The following TTI1 variants were observed in gnomAD, a reference collection of about 807,000 sequenced individuals.
TTI1 encodes TELO2-interacting protein 1 homolog.
TTI1 carries 52 observed loss-of-function variants against 85.4 expected under a neutral mutation model. That is an observed-to-expected ratio of 0.61 (90% CI 0.49 to 0.77). The LOEUF is 0.77. Ranked by LOEUF, TTI1 falls within the 30% of genes least tolerant of loss-of-function variation. TTI1 has a pLI of 0.00. For synonymous variants in TTI1, 512 were observed against 503.9 expected (o/e 1.02, Z -0.22); for missense variants, 1,173 against 1,296.0 (o/e 0.91, Z 1.46).
At chr20:37,983,922 G>T (rs1408896442) in intron 7 of TTI1, among the ~76,000 whole-genome samples, 1 of 152,160 alleles carries the variant, frequency 6.6e-6, no homozygotes, top group African/African-American at 2.4e-5. Flanking sequence ...CAAGCTCTTG[G>T]CAAAGAAAGA....
intron 7 of TTI1, among the ~76,000 whole-genome samples, chr20:37,994,194 T>C (rs2073306225): frequency 6.6e-6 from 1 of 152,242 alleles, no homozygotes; most frequent in East Asian, 1.9e-4. Flanking sequence ...AGTACAGTGG[T>C]GCGGTCTTGG....
chr20:38,013,097 G>T lies in TTI1; in HGVS notation c.720C>A (p.Tyr240Ter). ...SIVVSSLKIFYKTVSFIMADE... is the reference protein window; with the variant it reads ...SIVVSSLKIF ...CAGCCATAATGAAGCTCACTGTCTT[G>T]TAAAAGATCTTTAGGGAAGATACGA... The change falls in exon 2 of 8, where the codon TAC (tyrosine) becomes TAA (stop). Residue 240 changes from tyrosine (Y) to a stop codon, truncating the protein, a stop_gained. Transcript: ENST00000373447. LOFTEE classifies it high-confidence loss of function. The T allele has an allele frequency of 3.1e-6, 5 of 1,614,162 alleles. No individual in the cohort carries two copies. Among genetic ancestry groups the T allele is most frequent in the Non-Finnish European group, 4.2e-6 (5 of 1,180,038 alleles).
rs2073598801 is a variant in TTI1, at chr20:38,011,935, A to AT, written c.1881dup (p.Cys628MetfsTer41). ...TGGCCAATTCCTTCCAACTGAATGCATATTTGCCAGATGTTACTGTTCATG... is the reference window on the plus strand; with the variant it reads ...TGGCCAATTCCTTCCAACTGAATGCATTATTTGCCAGATGTTACTGTTCATG... On this transcript the variant is annotated frameshift_variant, in exon 2 of 8. Coordinates refer to ENST00000373447, the MANE Select transcript of TTI1 (RefSeq NM_001303457.2). LOFTEE classifies it high-confidence loss of function. 4 of 1,614,226 alleles carry AT rather than the reference A, an allele frequency of 2.5e-6. No homozygotes were observed. In the East Asian group the frequency reaches 8.9e-5, roughly 36 times the overall value.
chr20:38,014,705 C>T (rs769052462), intron 1 of TTI1, among the ~76,000 whole-genome samples: 6 of 151,872 alleles, frequency 4.0e-5, no homozygotes, highest in African/African-American at 7.3e-5. Context: ...GGCAAGCAGG[C>T]GAGCAGGCAA....
intron 1 of TTI1, among the ~76,000 whole-genome samples, chr20:38,031,854 G>A (rs1381388673): frequency 2.0e-5 from 3 of 152,186 alleles, no homozygotes; most frequent in Non-Finnish European, 4.4e-5. Flanking sequence ...ATCAAATAGT[G>A]ATTGTAATAA....
intron 1 of TTI1, among the ~76,000 whole-genome samples, chr20:38,024,791 C>T (rs903050481): frequency 1.3e-5 from 2 of 152,184 alleles, no homozygotes; most frequent in Non-Finnish European, 2.9e-5. Flanking sequence ...AAAGTAGGAG[C>T]AGGCATTCCA....
chr20:38,002,093 G>T (rs912567145), intron 4 of TTI1, among the ~76,000 whole-genome samples: 6 of 152,050 alleles, frequency 3.9e-5, no homozygotes, highest in Non-Finnish European at 8.8e-5. Context: ...CTTCTCCAGG[G>T]TGATTCTAAA....
intron 1 of TTI1, among the ~76,000 whole-genome samples, chr20:38,015,550 A>C (rs2073670533): frequency 6.6e-6 from 1 of 152,182 alleles, no homozygotes; most frequent in Admixed American, 6.5e-5. Flanking sequence ...AATGGGATCC[A>C]GCAGTCATGG....
chr20:37,983,943 C>T (rs1023570946), intron 7 of TTI1, among the ~76,000 whole-genome samples: 2 of 152,158 alleles, frequency 1.3e-5, no homozygotes, highest in African/African-American at 4.8e-5. Flanking sequence ...GGTTGAGTTC[C>T]AGAGTAGAAA....
At chr20:38,015,223 C>G (rs565247396) in intron 1 of TTI1, among the ~76,000 whole-genome samples, 1 of 152,274 alleles carries the variant, frequency 6.6e-6, no homozygotes, top group East Asian at 1.9e-4. Flanking sequence ...TGGAGAGACT[C>G]TGATACGCTG....
intron 4 of TTI1, among the ~76,000 whole-genome samples, chr20:38,002,416 C>T (rs774565000): frequency 3.3e-5 from 5 of 152,186 alleles, no homozygotes; most frequent in Non-Finnish European, 7.4e-5. Flanking sequence ...GTTTTTAATG[C>T]AGGAGACTCA....
chr20:38,016,059 G>C (rs904197399), intron 1 of TTI1, among the ~76,000 whole-genome samples: 1 of 152,154 alleles, frequency 6.6e-6, no homozygotes, highest in African/African-American at 2.4e-5. Context: ...AAAAGAAAAA[G>C]AAACTGGCTT....
Position 38,005,963 on chromosome 20 carries a change from A to T in TTI1, c.2503+234T>A. On this transcript the variant is annotated intron_variant, in intron 3 of 7. Coordinates refer to ENST00000373447, the MANE Select transcript of TTI1 (RefSeq NM_001303457.2). The stretch of plus-strand genomic sequence containing the variant: ...TGATCAAAATTCAACGGCAATAAGC[A>T]GAGTTGCTTATAACTAAACACAAAA... 6.2e-6 allele frequency: 3 copies of T among 485,428 alleles called. No individual in the cohort carries two copies. The South Asian group carries it at 6.4e-5, about 10-fold the overall frequency. 30.1% of individuals were successfully genotyped at this position (485,428 alleles called of 1,614,324 possible).
intron 2 of TTI1, among the ~76,000 whole-genome samples, chr20:38,008,314 C>G (rs1371081525): frequency 6.6e-6 from 1 of 152,070 alleles, no homozygotes; most frequent in Non-Finnish European, 1.5e-5. Context: ...CCAAAATGAC[C>G]TACAAAGATA....
rs142012121 is a variant in TTI1, at chr20:37,989,036, A to G, written c.3087-5397T>C. ...TTGGTAATTTACTCTAATGGGTCTCAGTTCATTGGTTAACCAGTATTTCAA... is the reference window on the plus strand; with the variant it reads ...TTGGTAATTTACTCTAATGGGTCTCGGTTCATTGGTTAACCAGTATTTCAA... On this transcript the variant is annotated intron_variant, in intron 7 of 7. Coordinates refer to ENST00000373447, the MANE Select transcript of TTI1 (RefSeq NM_001303457.2). 8.0e-3 allele frequency among the ~76,000 whole-genome samples: 1,216 copies of G among 152,336 alleles called. 6 individuals carry two copies. Among genetic ancestry groups the G allele is most frequent in the African/African-American group, 0.023 (949 of 41,560 alleles).
At chr20:37,991,474 G>A (rs976553721) in intron 7 of TTI1, among the ~76,000 whole-genome samples, 2 of 152,242 alleles carry the variant, frequency 1.3e-5, no homozygotes. Flanking sequence ...GGGTTTGAAG[G>A]CACCAGCTGG....
At chr20:38,010,637 AT>A (rs11476947) in intron 2 of TTI1, among the ~76,000 whole-genome samples, 51,004 of 147,384 alleles carry the variant, frequency 0.35, 8,765 homozygotes, top group Middle Eastern at 0.43. Flanking sequence ...CGTCTGGCTA[AT>A]TTTTTTTTTT....
At chr20:38,021,048 C>G (rs1239831883) in intron 1 of TTI1, among the ~76,000 whole-genome samples, 1 of 152,116 alleles carries the variant, frequency 6.6e-6, no homozygotes, top group East Asian at 1.9e-4. Flanking sequence ...AAGATATATT[C>G]TGGAATTTAC....
chr20:37,991,726 G>A (rs1329275789), intron 7 of TTI1, among the ~76,000 whole-genome samples: 1 of 152,140 alleles, frequency 6.6e-6, no homozygotes, highest in Non-Finnish European at 1.5e-5. Flanking sequence ...AACATATTTG[G>A]GAAATTTACA....
Sources: gnomAD v4.1 joint callset for allele counts (sites outside exome capture counted in the v4.1 genomes callset) on GRCh38, gnomAD v4.1.1 for gene constraint, MANE v1.5 for transcripts, NCBI Gene and HGNC (gene_info 2026-07-23, HGNC 2026-07-21) for gene names.